Variants in REDIC1 observed in about 807,000 individuals in gnomAD.
REDIC1 encodes the protein HEI10 Interacting Protein 1.
chr12:39,772,771 A>C, the REDIC1 span, among the ~76,000 whole-genome samples: 1 of 152,172 alleles, frequency 6.6e-6, no homozygotes, highest in Non-Finnish European at 1.5e-5. Flanking sequence ...TGTGGCAATG[A>C]AGTAGGATAC....
chr12:39,830,479 G>A, the REDIC1 span: 5 of 1,200,014 alleles, frequency 4.2e-6, no homozygotes, highest in Admixed American at 7.6e-5. Context: ...GGATCTGAGA[G>A]ACTGAATGTA....
chr12:39,684,269 A>G, the REDIC1 span: 1 of 972,932 alleles, frequency 1.0e-6, no homozygotes, highest in Non-Finnish European at 1.2e-6. Context: ...AGAAAACTTT[A>G]TTTTAGCTAG....
chr12:39,685,845 A>T, the REDIC1 span, among the ~76,000 whole-genome samples: 1,581 of 152,372 alleles, frequency 0.01, 26 homozygotes, highest in African/African-American at 0.036. Flanking sequence ...GCATTGGGTA[A>T]ATATTTACAT....
At chr12:39,900,039 T>C in the REDIC1 span, among the ~76,000 whole-genome samples, 1 of 152,078 alleles carries the variant, frequency 6.6e-6, no homozygotes, top group South Asian at 2.1e-4. Flanking sequence ...GTTCATTATA[T>C]GCAAATCAAT....
At chr12:39,798,229 G>C in the REDIC1 span, among the ~76,000 whole-genome samples, 1 of 152,166 alleles carries the variant, frequency 6.6e-6, no homozygotes, top group Admixed American at 6.5e-5. Flanking sequence ...GGATCCTTCA[G>C]CTCCCCTTAA....
the REDIC1 span, chr12:39,720,736 A>C: frequency 6.7e-6 from 9 of 1,341,710 alleles, no homozygotes; most frequent in Admixed American, 2.2e-5. Context: ...GATTGAATGC[A>C]TTTTTAAAAT....
chr12:39,748,236 A>G, the REDIC1 span, among the ~76,000 whole-genome samples: 18 of 152,314 alleles, frequency 1.2e-4, no homozygotes, highest in Non-Finnish European at 2.2e-4. Flanking sequence ...AAGATCTACC[A>G]AGCAAATGGA....
the REDIC1 span, among the ~76,000 whole-genome samples, chr12:39,692,875 C>G: frequency 1.3e-5 from 2 of 151,976 alleles, no homozygotes; most frequent in East Asian, 3.9e-4. Flanking sequence ...AAATTATTTT[C>G]CTAAATGGTT....
the REDIC1 span, chr12:39,830,055 C>T: frequency 1.1e-5 from 18 of 1,610,196 alleles, no homozygotes; most frequent in South Asian, 1.4e-4. Context: ...ACATAAGCCT[C>T]GTTTTGAAAT....
At chr12:39,888,022 A>C in the REDIC1 span, among the ~76,000 whole-genome samples, 1 of 152,058 alleles carries the variant, frequency 6.6e-6, no homozygotes, top group Non-Finnish European at 1.5e-5. Flanking sequence ...AATGCTTGGA[A>C]ACTCTATTAG....
At chr12:39,724,197 G>A in the REDIC1 span, among the ~76,000 whole-genome samples, 2 of 152,074 alleles carry the variant, frequency 1.3e-5, no homozygotes, top group South Asian at 2.1e-4. Flanking sequence ...CCTCTTGGGC[G>A]GGATAAGTCT....
At chr12:39,893,064 A>T in the REDIC1 span, among the ~76,000 whole-genome samples, 1 of 152,232 alleles carries the variant, frequency 6.6e-6, no homozygotes, top group Non-Finnish European at 1.5e-5. Context: ...GGAAACCATG[A>T]TAATTTAGTA....
At chr12:39,764,767 G>C in the REDIC1 span, 1 of 1,612,754 alleles carries the variant, frequency 6.2e-7, no homozygotes, top group Middle Eastern at 1.7e-4. Context: ...TATAAAATAA[G>C]GCCCAGAAGT....
chr12:39,848,612 T>C, the REDIC1 span, among the ~76,000 whole-genome samples: 2 of 152,176 alleles, frequency 1.3e-5, no homozygotes, highest in African/African-American at 2.4e-5. Context: ...GAAAGCAGTA[T>C]GGCAATTCCT....
the REDIC1 span, among the ~76,000 whole-genome samples, chr12:39,814,445 A>G: frequency 2.6e-5 from 4 of 152,328 alleles, no homozygotes; most frequent in East Asian, 5.8e-4. Context: ...TATTGTATCA[A>G]GTAACACACT....
the REDIC1 span, among the ~76,000 whole-genome samples, chr12:39,711,893 A>G: frequency 0.78 from 97,887 of 124,894 alleles, 39,132 homozygotes; most frequent in Middle Eastern, 0.87. Context: ...GTGTATGTGT[A>G]TACACGTATA....
the REDIC1 span, among the ~76,000 whole-genome samples, chr12:39,676,448 T>G: frequency 1.3e-5 from 2 of 152,114 alleles, no homozygotes; most frequent in South Asian, 4.2e-4. Context: ...TTCAAGAAAT[T>G]TGGGATTATG....
At chr12:39,721,319 A>G in the REDIC1 span, 15 of 1,322,768 alleles carry the variant, frequency 1.1e-5, no homozygotes, top group Middle Eastern at 2.9e-3. Context: ...AAATGTTGAA[A>G]ATTTCATTAA....
the REDIC1 span, among the ~76,000 whole-genome samples, chr12:39,699,529 C>T: frequency 1.3e-5 from 2 of 152,294 alleles, no homozygotes; most frequent in East Asian, 1.9e-4. Flanking sequence ...GGGGGAGGGG[C>T]GCCCGCCATT....
Sources: allele counts gnomAD v4.1 joint callset (sites outside exome capture counted in the v4.1 genomes callset), GRCh38; gene constraint gnomAD v4.1.1; transcripts MANE v1.5; gene names NCBI Gene and HGNC (gene_info 2026-07-23, HGNC 2026-07-21).